EFR3B: variants seen among roughly 807,000 people sequenced by gnomAD.
The protein encoded by EFR3B is protein EFR3 homolog B.
A neutral mutation model predicts 104.7 loss-of-function variants in EFR3B; 64 were observed. That is an observed-to-expected ratio of 0.61 (90% CI 0.50 to 0.75). The LOEUF is 0.75. Ranked by LOEUF, EFR3B falls within the 30% of genes least tolerant of loss-of-function variation. EFR3B has a pLI of 0.00. For missense variants in EFR3B, 750 were observed against 1,078.5 expected, an observed-to-expected ratio of 0.70 and a Z score of 4.27; for synonymous variants, 385 against 417.9, an observed-to-expected ratio of 0.92 and a Z score of 0.96.
At chr2:25,069,144 G>A (rs1668421043) in intron 1 of EFR3B, among the ~76,000 whole-genome samples, 2 of 151,930 alleles carry the variant, frequency 1.3e-5, no homozygotes, top group African/African-American at 2.4e-5. Context: ...CTGACCTCAG[G>A]TGATCCGCCC....
intron 4 of EFR3B, among the ~76,000 whole-genome samples, chr2:25,112,815 G>A (rs1425265761): frequency 2.0e-5 from 3 of 152,174 alleles, no homozygotes; most frequent in African/African-American, 7.2e-5. Flanking sequence ...AGAAAGTTGG[G>A]TTTTATGTAT....
intron 1 of EFR3B, among the ~76,000 whole-genome samples, chr2:25,044,585 C>T (rs762163488): frequency 6.6e-6 from 1 of 152,174 alleles, no homozygotes; most frequent in South Asian, 2.1e-4. Context: ...GCTTCTCCCC[C>T]TCCCACCTCC....
chr2:25,138,940 G>A, intron 15 of EFR3B, 119 bp from the exon 16 acceptor site: 2 of 1,390,374 alleles, frequency 1.4e-6, no homozygotes, highest in Non-Finnish European at 2.0e-6. Context: ...TGCTGAGAAA[G>A]ACTTAGTCTA....
chr2:25,152,710 G>A (rs1671045713), intron 21 of EFR3B, among the ~76,000 whole-genome samples: 1 of 152,126 alleles, frequency 6.6e-6, no homozygotes, highest in African/African-American at 2.4e-5. Context: ...GTCAAGCTTA[G>A]TAACAATGAA....
At chr2:25,070,715 C>A (rs1213696131) in intron 1 of EFR3B, among the ~76,000 whole-genome samples, 1 of 152,112 alleles carries the variant, frequency 6.6e-6, no homozygotes, top group African/African-American at 2.4e-5. Context: ...AGGAATGGGC[C>A]ACTGTCAATG....
chr2:25,143,700 G>A, intron 17 of EFR3B, 35 bp from the exon 18 acceptor site: 1 of 1,550,730 alleles, frequency 6.4e-7, no homozygotes, highest in Non-Finnish European at 8.7e-7. Context: ...AGATACCGCG[G>A]TTCTAACGAA....
intron 4 of EFR3B, among the ~76,000 whole-genome samples, chr2:25,121,221 T>G (rs1280205698): frequency 7.2e-5 from 11 of 152,218 alleles, no homozygotes; most frequent in African/African-American, 2.7e-4. Flanking sequence ...TTTCTAACAA[T>G]AAAGTGTAAT....
intron 22 of EFR3B, 31 bp downstream of exon 22, chr2:25,153,792 A>T: frequency 6.5e-7 from 1 of 1,549,210 alleles, no homozygotes; most frequent in Non-Finnish European, 8.7e-7. Context: ...GGGGACCCTG[A>T]CCTCCGTGGC....
chr2:25,132,762 C>A (rs1483708146), intron 10 of EFR3B, 141 bp from the exon 11 acceptor site: 2 of 685,212 alleles, frequency 2.9e-6, no homozygotes, highest in Non-Finnish European at 5.0e-6. Flanking sequence ...GAATCACACC[C>A]GGGCTATCCT....
rs751142044 is a variant in EFR3B, at chr2:25,142,155, TGCCCGGGCTGGGCACAGTGACTCAC to T, written c.1922+726_1922+750del. Reference sequence around the variant, plus strand: ...CTCTACAAAAAATGTTTAAAAATTTTGCCCGGGCTGGGCACAGTGACTCACGCCTGTAATCCCAGCACTTTGGGAG... The same window carrying T: ...CTCTACAAAAAATGTTTAAAAATTTTGCCTGTAATCCCAGCACTTTGGGAG... On this transcript the variant is annotated intron_variant, in intron 17 of 22. Coordinates refer to ENST00000403714, the MANE Select transcript of EFR3B (RefSeq NM_014971.2). 1.8e-3 allele frequency among the ~76,000 whole-genome samples: 281 copies of T among 152,170 alleles called. 2 individuals are homozygous for T. The highest frequency in any genetic ancestry group is 2.4e-3 in the Non-Finnish European group (164 of 67,998).
intron 4 of EFR3B, among the ~76,000 whole-genome samples, chr2:25,117,538 C>T (rs747041687): frequency 6.6e-6 from 1 of 151,958 alleles, no homozygotes; most frequent in Non-Finnish European, 1.5e-5. Flanking sequence ...TCAGCCTTCC[C>T]AAGTAGCTGG....
rs190515154 is a variant in EFR3B at position 25,111,017 on chromosome 2, C to T, written c.363+7230C>T. Among the ~76,000 whole-genome samples, 326 of 152,292 alleles carry T rather than the reference C, an allele frequency of 2.1e-3. 1 individual carries two copies. Among genetic ancestry groups the T allele is most frequent in the Non-Finnish European group, 3.7e-3 (249 of 68,030 alleles). On this transcript the variant is annotated intron_variant, in intron 4 of 22. Transcript: ENST00000403714. ...TCTGGATTTGTCTGGTTCTTTGCTG[C>T]GGTGTCACTTATCTGACTCTCCTGT...
intron 1 of EFR3B, among the ~76,000 whole-genome samples, chr2:25,068,093 TTTC>T (rs1668386823): frequency 1.3e-5 from 2 of 152,180 alleles, no homozygotes; most frequent in Admixed American, 1.3e-4. Flanking sequence ...AGACATGGGC[TTTC>T]TGAGCCAAGG....
In EFR3B at chr2:25,149,756, A is replaced by C. The variant is rs1419563457; in HGVS notation, c.2191+14A>C. Reference sequence around the variant, plus strand: ...AGAAAGCCATTGGTAAGTCAGGGCAAAGGGACTCTGGTTAGAGGGCAAAAT... The same window carrying C: ...AGAAAGCCATTGGTAAGTCAGGGCACAGGGACTCTGGTTAGAGGGCAAAAT... On this transcript the variant is annotated intron_variant, in intron 20 of 22. Coordinates refer to ENST00000403714, the MANE Select transcript of EFR3B (RefSeq NM_014971.2). The C allele has an allele frequency of 4.5e-6, 7 of 1,551,248 alleles. No homozygotes were observed. In the Admixed American group the frequency reaches 1.4e-4, roughly 30 times the overall value.
chr2:25,060,268 T>C (rs1236121135), intron 1 of EFR3B, among the ~76,000 whole-genome samples: 1 of 152,256 alleles, frequency 6.6e-6, no homozygotes, highest in African/African-American at 2.4e-5. Flanking sequence ...AAAAAAGTTT[T>C]CATACACATG....
At chr2:25,047,137 G>A (rs567392604) in intron 1 of EFR3B, among the ~76,000 whole-genome samples, 1 of 152,300 alleles carries the variant, frequency 6.6e-6, no homozygotes, top group East Asian at 1.9e-4. Context: ...TTATATTACA[G>A]AAAAATCTGG....
In EFR3B at chr2:25,091,325, G is replaced by C. The variant is rs764371087; in HGVS notation, c.8G>C (p.Gly3Ala). 6 of 1,549,956 alleles carry C rather than the reference G, an allele frequency of 3.9e-6. No individual in the cohort carries two copies. The highest frequency in any genetic ancestry group is 5.2e-6 in the Non-Finnish European group (6 of 1,146,270). MY[G>A]VCGCCGALRP... ...ACAGTTTTTCCCATTCTTATTCCAG[G>C]TGTGTGTGGCTGCTGTGGTGCCCTA... Residue 3 changes from glycine (G) to alanine (A), a missense_variant and splice_region_variant, in exon 2 of 23, where the codon GGT becomes GCT. By Grantham distance (60) the Gly-to-Ala change is moderately conservative. Transcript: ENST00000403714.
At chr2:25,107,054 A>T (rs1051184182) in intron 4 of EFR3B, among the ~76,000 whole-genome samples, 1 of 151,992 alleles carries the variant, frequency 6.6e-6, no homozygotes, top group African/African-American at 2.4e-5. Flanking sequence ...GACGCCAAGA[A>T]GCGAGATGAT....
At chr2:25,103,177 A>G (rs1669469975) in intron 3 of EFR3B, among the ~76,000 whole-genome samples, 1 of 152,206 alleles carries the variant, frequency 6.6e-6, no homozygotes, top group Non-Finnish European at 1.5e-5. Context: ...TCAGCTCATT[A>G]AGTTGAATGA....
Sources: gnomAD v4.1 joint callset for allele counts (sites outside exome capture counted in the v4.1 genomes callset) on GRCh38, gnomAD v4.1.1 for gene constraint, MANE v1.5 for transcripts, NCBI Gene and HGNC (gene_info 2026-07-23, HGNC 2026-07-21) for gene names.